The following CACNB2 variants were observed in gnomAD, a reference collection of about 807,000 sequenced individuals.
CACNB2 encodes the protein calcium voltage-gated channel auxiliary subunit beta 2, also known as voltage-dependent L-type calcium channel subunit beta-2.
A neutral mutation model predicts 73.3 loss-of-function variants in CACNB2; 42 were observed. The ratio of observed to expected loss-of-function variants is 0.57; its 90% CI spans 0.45 to 0.74. CACNB2 has a LOEUF of 0.74. Ranked by LOEUF, CACNB2 falls within the 30% of genes least tolerant of loss-of-function variation. The pLI is 0.00. For synonymous variants in CACNB2, 348 were observed against 310.3 expected (o/e 1.12, Z -1.28); for missense variants, 940 against 853.0 (o/e 1.10, Z -1.27).
At chr10:18,380,628 T>C (rs1430448759) in intron 2 of CACNB2, among the ~76,000 whole-genome samples, 11 of 151,874 alleles carry the variant, frequency 7.2e-5, no homozygotes, top group Middle Eastern at 6.8e-3. Context: ...CTAATATTTT[T>C]ATTTTTAGTA....
chr10:18,141,142 C>T (rs1230882141), intron 1 of CACNB2: 1 of 1,550,312 alleles, frequency 6.5e-7, no homozygotes. Flanking sequence ...TCCAGCTGGC[C>T]CTCCTCGCCC....
chr10:18,502,317 A>AG (rs1007360033), intron 5 of CACNB2, among the ~76,000 whole-genome samples: 8 of 151,256 alleles, frequency 5.3e-5, no homozygotes, highest in African/African-American at 1.9e-4. Flanking sequence ...CAAAAAAAAA[A>AG]GAACAAGATC....
chr10:18,510,152 A>T (rs542321695), intron 6 of CACNB2, among the ~76,000 whole-genome samples: 4 of 152,168 alleles, frequency 2.6e-5, no homozygotes, highest in Non-Finnish European at 5.9e-5. Flanking sequence ...AGTTAACCAA[A>T]TGTCAGAACT....
intron 2 of CACNB2, among the ~76,000 whole-genome samples, chr10:18,239,240 A>C (rs2036559334): frequency 6.6e-6 from 1 of 152,180 alleles, no homozygotes; most frequent in South Asian, 2.1e-4. Context: ...GGGCAAGTCT[A>C]GGCTTTTAGT....
At chr10:18,377,721 A>T (rs1418975040) in intron 2 of CACNB2, among the ~76,000 whole-genome samples, 1 of 152,226 alleles carries the variant, frequency 6.6e-6, no homozygotes, top group Non-Finnish European at 1.5e-5. Context: ...CTGTGTGGTT[A>T]GAGCGGGGAA....
At chr10:18,346,509 T>C (rs1372150308) in intron 2 of CACNB2, among the ~76,000 whole-genome samples, 1 of 152,306 alleles carries the variant, frequency 6.6e-6, no homozygotes, top group Middle Eastern at 3.4e-3. Context: ...TAATATCATG[T>C]CATTTGTTAA....
intron 10 of CACNB2, among the ~76,000 whole-genome samples, chr10:18,528,306 A>T (rs896947058): frequency 1.3e-5 from 2 of 151,822 alleles, no homozygotes; most frequent in Non-Finnish European, 2.9e-5. Flanking sequence ...GTTTACAGAG[A>T]TGGTATGTGG....
chr10:18,258,126 G>A (rs1039806213), intron 2 of CACNB2, among the ~76,000 whole-genome samples: 1 of 152,168 alleles, frequency 6.6e-6, no homozygotes. Context: ...GCACAGCACT[G>A]AGCAAACAGA....
chr10:18,380,442 A>G (rs1270430112), intron 2 of CACNB2, among the ~76,000 whole-genome samples: 4 of 144,264 alleles, frequency 2.8e-5, no homozygotes, highest in Non-Finnish European at 6.0e-5. Flanking sequence ...AACTTGAAAC[A>G]TGTGTTTTTC....
At chr10:18,403,533 G>A (rs948333122) in intron 3 of CACNB2, among the ~76,000 whole-genome samples, 25 of 152,186 alleles carry the variant, frequency 1.6e-4, no homozygotes, top group African/African-American at 6.0e-4. Context: ...ATGCCATCAT[G>A]ATACAGCCCA....
At chr10:18,308,286 G>A (rs747560104) in intron 2 of CACNB2, among the ~76,000 whole-genome samples, 5 of 152,130 alleles carry the variant, frequency 3.3e-5, no homozygotes, top group Middle Eastern at 3.4e-3. Flanking sequence ...GAACCACCAC[G>A]CCCAAGCTTT....
intron 6 of CACNB2, among the ~76,000 whole-genome samples, chr10:18,509,027 A>G (rs886415728): frequency 5.3e-5 from 8 of 152,236 alleles, no homozygotes; most frequent in Non-Finnish European, 1.0e-4. Context: ...AAGGTTTTGT[A>G]GAGATACACC....
Position 18,186,648 on chromosome 10 carries a change from C to T in CACNB2, c.213+35673C>T, listed in dbSNP as rs557720659. On this transcript the variant is annotated intron_variant, in intron 2 of 13. Transcript: ENST00000324631. ...CAAGAGAGGGTGGAGGGAGGTATTACACTTTTAAAGACCAGATTTCATGAG... is the reference window on the plus strand; with the variant it reads ...CAAGAGAGGGTGGAGGGAGGTATTATACTTTTAAAGACCAGATTTCATGAG... 9.2e-5 allele frequency among the ~76,000 whole-genome samples: 14 copies of T among 152,138 alleles called. No individual in the cohort carries two copies. The East Asian group carries it at 2.7e-3, about 30-fold the overall frequency.
At chr10:18,356,665 C>T (rs570697150) in intron 2 of CACNB2, among the ~76,000 whole-genome samples, 1 of 151,830 alleles carries the variant, frequency 6.6e-6, no homozygotes, top group African/African-American at 2.4e-5. Context: ...GAGTCTTACT[C>T]TATTGCCCAA....
intron 2 of CACNB2, among the ~76,000 whole-genome samples, chr10:18,387,407 ACTT>A (rs749532814): frequency 9.2e-5 from 14 of 152,126 alleles, no homozygotes; most frequent in African/African-American, 2.9e-4. Flanking sequence ...AACCCCAATC[ACTT>A]CTTCTTCCCT....
At chr10:18,474,317 G>A (rs1020337128) in intron 3 of CACNB2, among the ~76,000 whole-genome samples, 2 of 152,080 alleles carry the variant, frequency 1.3e-5, no homozygotes, top group Non-Finnish European at 2.9e-5. Context: ...CTGGCTCAAC[G>A]GTCACCCTCT....
intron 3 of CACNB2, among the ~76,000 whole-genome samples, chr10:18,489,151 A>G (rs1233702839): frequency 6.6e-6 from 1 of 152,000 alleles, no homozygotes; most frequent in African/African-American, 2.4e-5. Flanking sequence ...ACCTATACTA[A>G]AAATACAAAA....
intron 3 of CACNB2, among the ~76,000 whole-genome samples, chr10:18,485,930 T>A (rs1375057185): frequency 2.2e-5 from 3 of 139,022 alleles, no homozygotes; most frequent in Non-Finnish European, 3.1e-5. Context: ...TTTTTTTTTT[T>A]CATTTCTCTA....
intron 2 of CACNB2, among the ~76,000 whole-genome samples, chr10:18,350,268 A>G (rs1485165762): frequency 6.6e-6 from 1 of 152,180 alleles, no homozygotes. Flanking sequence ...TTAAAATAAT[A>G]AAAATAATAA....
Sources: gnomAD v4.1 joint callset for allele counts (sites outside exome capture counted in the v4.1 genomes callset) on GRCh38, gnomAD v4.1.1 for gene constraint, MANE v1.5 for transcripts, NCBI Gene and HGNC (gene_info 2026-07-23, HGNC 2026-07-21) for gene names.